Variants in AMZ1 observed in about 807,000 individuals in gnomAD.
AMZ1 encodes the protein archaemetzincin-1.
In AMZ1, 39 loss-of-function variants were observed where a neutral mutation model predicts 29.9. The observed-to-expected ratio is 1.30, with a 90% CI of 1.01 to 1.70. AMZ1 has a LOEUF of 1.70. Ranked by LOEUF, AMZ1 falls within the 40% of genes most tolerant of loss-of-function variation. The probability of loss-of-function intolerance (pLI) is 0.00; values close to 1 mark genes in which losing one functional copy is unlikely to be tolerated. For missense variants in AMZ1, 1,041 were observed against 680.6 expected, an observed-to-expected ratio of 1.53 and a Z score of -5.89; for synonymous variants, 458 against 304.0, an observed-to-expected ratio of 1.51 and a Z score of -5.27.
chr7:2,746,941 C>T (rs1790792910), intron 4 of AMZ1, among the ~76,000 whole-genome samples: 1 of 152,202 alleles, frequency 6.6e-6, no homozygotes, highest in Non-Finnish European at 1.5e-5. Flanking sequence ...AATTCCTCGA[C>T]ACATACATCC....
intron 4 of AMZ1, among the ~76,000 whole-genome samples, chr7:2,759,091 G>C (rs1791434269): frequency 6.6e-6 from 1 of 151,204 alleles, no homozygotes; most frequent in Non-Finnish European, 1.5e-5. Flanking sequence ...AATGAGCCGA[G>C]ATTACACCAT....
chr7:2,734,790 T>C (rs1487264089), intron 4 of AMZ1, among the ~76,000 whole-genome samples: 3 of 152,112 alleles, frequency 2.0e-5, no homozygotes, highest in Non-Finnish European at 4.4e-5. Flanking sequence ...CGAGCACACA[T>C]CCTCCTCCTC....
chr7:2,751,411 A>AC (rs907036367), intron 4 of AMZ1, among the ~76,000 whole-genome samples: 22 of 151,802 alleles, frequency 1.4e-4, no homozygotes, highest in African/African-American at 4.8e-4. Context: ...AAAAAAAAAA[A>AC]AACAGCTTAT....
chr7:2,701,384 C>G (rs910477413), intron 2 of AMZ1, among the ~76,000 whole-genome samples: 1 of 152,056 alleles, frequency 6.6e-6, no homozygotes, highest in Non-Finnish European at 1.5e-5. Context: ...TCTATTTGAC[C>G]CTGGGGCTGG....
intron 1 of AMZ1, among the ~76,000 whole-genome samples, chr7:2,679,940 G>A (rs1786823973): frequency 6.6e-6 from 1 of 152,220 alleles, no homozygotes; most frequent in Non-Finnish European, 1.5e-5. Context: ...TGCCTCGTAG[G>A]CAGAGGGACC....
At chr7:2,758,950 C>G (rs1007358483) in intron 4 of AMZ1, among the ~76,000 whole-genome samples, 2 of 151,974 alleles carry the variant, frequency 1.3e-5, no homozygotes, top group Middle Eastern at 6.8e-3. Context: ...AGACCAGCCT[C>G]CTGATATGGT....
At chr7:2,707,454 G>A (rs1583169948) in intron 3 of AMZ1, among the ~76,000 whole-genome samples, 1 of 152,036 alleles carries the variant, frequency 6.6e-6, no homozygotes, top group African/African-American at 2.4e-5. Flanking sequence ...TGGCTGCTCT[G>A]CCCCCTTCCC....
At chr7:2,725,336 C>T (rs1007604873) in intron 4 of AMZ1, among the ~76,000 whole-genome samples, 5 of 152,202 alleles carry the variant, frequency 3.3e-5, no homozygotes, top group Admixed American at 6.5e-5. Flanking sequence ...CGGCACCAGA[C>T]GGACACAGCT....
chr7:2,725,153 A>G (rs1479193025), intron 4 of AMZ1, among the ~76,000 whole-genome samples: 2 of 152,144 alleles, frequency 1.3e-5, no homozygotes, highest in Non-Finnish European at 2.9e-5. Flanking sequence ...ACACTGAGAA[A>G]AGCTTATCTG....
chr7:2,740,197 T>C (rs1342426310), intron 4 of AMZ1, among the ~76,000 whole-genome samples: 4 of 152,220 alleles, frequency 2.6e-5, no homozygotes, highest in African/African-American at 7.2e-5. Flanking sequence ...TTCCTGGTGA[T>C]CTTTTCTAGG....
intron 4 of AMZ1, among the ~76,000 whole-genome samples, chr7:2,732,682 A>G (rs2115285497): frequency 6.6e-6 from 1 of 152,296 alleles, no homozygotes; most frequent in South Asian, 2.1e-4. Flanking sequence ...TCTGACTACC[A>G]CCCACGGGGT....
At chr7:2,701,716 C>T (rs1051945326) in intron 2 of AMZ1, among the ~76,000 whole-genome samples, 9 of 152,172 alleles carry the variant, frequency 5.9e-5, no homozygotes, top group African/African-American at 1.7e-4. Flanking sequence ...CCACGCCTTT[C>T]GGCATCTCGA....
intron 4 of AMZ1, among the ~76,000 whole-genome samples, chr7:2,755,139 G>A (rs553041009): frequency 1.5e-4 from 23 of 152,206 alleles, no homozygotes; most frequent in African/African-American, 4.8e-4. Flanking sequence ...CTCTCCCTGC[G>A]CCAGCACCAC....
chr7:2,741,211 G>A (rs142468808), intron 4 of AMZ1, among the ~76,000 whole-genome samples: 1 of 152,150 alleles, frequency 6.6e-6, no homozygotes, highest in Non-Finnish European at 1.5e-5. Context: ...ACCTAGACTA[G>A]GTGTGGCGGC....
rs1789225605 is a variant in AMZ1, at chr7:2,717,952, C to CAAAT, written c.*5076_*5079dup. 6.6e-6 allele frequency among the ~76,000 whole-genome samples: 1 copy of CAAAT among 152,218 alleles called. No homozygotes were observed. The highest frequency in any genetic ancestry group is 2.4e-5 in the African/African-American group (1 of 41,452). On this transcript the variant is annotated 3_prime_UTR_variant, in exon 7 of 7. Transcript: ENST00000683327. ...TGTTCCCGTGACGATGAGGCAAATC[C>CAAAT]AAATAGTCACCGGAGTCGAGCAAAC... is the stretch of plus-strand genomic sequence containing the variant.
intron 4 of AMZ1, among the ~76,000 whole-genome samples, chr7:2,753,088 T>C (rs1287294396): frequency 6.6e-6 from 1 of 152,200 alleles, no homozygotes; most frequent in Non-Finnish European, 1.5e-5. Context: ...GTCACTGATC[T>C]GTTTTCTGTT....
intron 1 of AMZ1, among the ~76,000 whole-genome samples, chr7:2,694,629 ATATAT>A (rs1267578449): frequency 6.6e-6 from 1 of 151,238 alleles, no homozygotes; most frequent in Non-Finnish European, 1.5e-5. Context: ...TATTACATTA[ATATAT>A]TATCGTATAT....
chr7:2,737,289 G>GTTTTTTT (rs11389467), intron 4 of AMZ1, among the ~76,000 whole-genome samples: 196 of 62,276 alleles, frequency 3.1e-3, no homozygotes, highest in Non-Finnish European at 4.6e-3. Context: ...TTTTTTTTTT[G>GTTTTTTT]TTTTTTTTTT....
rs376602838 is a variant in AMZ1 at position 2,696,411 on chromosome 7, C to T, written c.-218-3823C>T. Among the ~76,000 whole-genome samples, 1,407 of 151,272 alleles carry T rather than the reference C, an allele frequency of 9.3e-3. 24 individuals carry two copies. Among genetic ancestry groups the T allele is most frequent in the African/African-American group, 0.032 (1,313 of 41,170 alleles). On this transcript the variant is annotated intron_variant, in intron 1 of 6. Coordinates refer to ENST00000683327, the MANE Select transcript of AMZ1 (RefSeq NM_001384743.1). ...AGCTGGGACTACAGGCGCCCGCCAC[C>T]ACGCCTGGCTAATTTTTTTGTATTT...
Sources: gnomAD v4.1 joint callset for allele counts (sites outside exome capture counted in the v4.1 genomes callset) on GRCh38, gnomAD v4.1.1 for gene constraint, MANE v1.5 for transcripts, NCBI Gene and HGNC (gene_info 2026-07-23, HGNC 2026-07-21) for gene names.